DMD: variants seen among roughly 807,000 people sequenced by gnomAD.
DMD encodes dystrophin.
DMD carries 63 observed loss-of-function variants against 330.1 expected under a neutral mutation model. The ratio of observed to expected loss-of-function variants is 0.19; its 90% CI spans 0.16 to 0.24. The LOEUF (loss-of-function observed/expected upper bound fraction) is 0.24, where lower values mean the gene tolerates loss of function less well. DMD is among the 10% of genes least tolerant of loss of function. The pLI, the probability that DMD is intolerant of heterozygous loss-of-function variation, is 1.00. For missense variants in DMD, 3,344 were observed against 2,684.1 expected (o/e 1.25, Z -5.43); for synonymous variants, 1,223 against 959.8 (o/e 1.27, Z -5.07).
rs189477491 is a variant in DMD, at chrX:32,897,112, T to C, written c.94-47292A>G. 4.0e-3 allele frequency among the ~76,000 whole-genome samples: 445 copies of C among 111,651 alleles called. 3 individuals carry two copies. The highest frequency in any genetic ancestry group is 5.8e-3 in the Non-Finnish European group (310 of 53,180). ...TTTTATGCGTTTTTTTTATTTTGCC[T>C]ATTAAATATGCCCTTAAAATCGTGC... On this transcript the variant is annotated intron_variant, in intron 2 of 78. Transcript: ENST00000357033.
chrX:32,309,965 T>A, intron 42 of DMD, 117 bp downstream of exon 42: 6 of 645,220 alleles, frequency 9.3e-6, no homozygotes, highest in Non-Finnish European at 1.4e-5. Flanking sequence ...TTTTAAGAAT[T>A]CCATGTGAAA....
chrX:32,959,701 C>T (rs137856600), intron 2 of DMD, among the ~76,000 whole-genome samples: 1,129 of 110,785 alleles, frequency 0.01, 15 homozygotes, highest in African/African-American at 0.035. Context: ...CTGTCTTTCT[C>T]CCCCAGGATT....
intron 10 of DMD, among the ~76,000 whole-genome samples, 179 bp downstream of exon 10, chrX:32,644,785 T>C (rs751309304): frequency 1.9e-4 from 21 of 111,436 alleles, no homozygotes; most frequent in African/African-American, 6.2e-4. Context: ...CAGGTAGAAA[T>C]GCCTTCAATG....
intron 45 of DMD, among the ~76,000 whole-genome samples, chrX:31,935,183 C>T (rs185605003): frequency 3.6e-5 from 4 of 111,549 alleles, no homozygotes; most frequent in Admixed American, 9.5e-5. Context: ...GTGATTCTCT[C>T]GAAGTCTCTA....
intron 50 of DMD, among the ~76,000 whole-genome samples, chrX:31,798,733 G>A (rs909151422): frequency 1.8e-5 from 2 of 111,103 alleles, no homozygotes; most frequent in East Asian, 2.8e-4. Flanking sequence ...AAAGAGACAG[G>A]AAATATACAT....
chrX:31,763,685 C>CT (rs2089790856), intron 51 of DMD, among the ~76,000 whole-genome samples: 1 of 112,048 alleles, frequency 8.9e-6, no homozygotes, highest in African/African-American at 3.2e-5. Flanking sequence ...CTGTGACATA[C>CT]CAGTCAACTA....
At chrX:32,777,786 A>G (rs904493733) in intron 7 of DMD, among the ~76,000 whole-genome samples, 16 of 112,697 alleles carry the variant, frequency 1.4e-4, no homozygotes, top group East Asian at 2.8e-4. Context: ...GGAAAGAGCT[A>G]TCTTAAGGAT....
chrX:32,563,162 A>C (rs2149079859), intron 16 of DMD, among the ~76,000 whole-genome samples: 1 of 109,355 alleles, frequency 9.1e-6, no homozygotes, highest in Admixed American at 9.9e-5. Flanking sequence ...AACATGGTGA[A>C]ACCCCATCTC....
chrX:32,356,231 T>A (rs1029685353), intron 37 of DMD, among the ~76,000 whole-genome samples: 1 of 109,926 alleles, frequency 9.1e-6, no homozygotes, highest in African/African-American at 3.3e-5. Flanking sequence ...TATTTTAAGA[T>A]AGATTAGGCC....
At chrX:33,264,965 G>A (rs961732002) in intron 1 of DMD, among the ~76,000 whole-genome samples, 4 of 110,699 alleles carry the variant, frequency 3.6e-5, no homozygotes, top group Non-Finnish European at 7.6e-5. Context: ...GAGGTTTATG[G>A]TCACATAAGA....
At chrX:32,615,052 C>G (rs57110381) in intron 11 of DMD, among the ~76,000 whole-genome samples, 13,978 of 110,746 alleles carry the variant, frequency 0.13, 747 homozygotes, top group African/African-American at 0.19. Flanking sequence ...AGTGATTCTG[C>G]AGGATAAAAT....
At chrX:32,243,272 T>C (rs1363685521) in intron 43 of DMD, among the ~76,000 whole-genome samples, 1 of 111,403 alleles carries the variant, frequency 9.0e-6, no homozygotes, top group African/African-American at 3.3e-5. Flanking sequence ...AGGATTAGCT[T>C]GGGTACATAC....
chrX:32,703,775 T>C (rs994385689), intron 7 of DMD, among the ~76,000 whole-genome samples: 1 of 111,288 alleles, frequency 9.0e-6, no homozygotes, highest in African/African-American at 3.3e-5. Context: ...CTAAAGGCAA[T>C]GGTATGATAA....
intron 60 of DMD, among the ~76,000 whole-genome samples, chrX:31,426,027 T>C (rs1952185192): frequency 9.0e-6 from 1 of 111,504 alleles, no homozygotes; most frequent in South Asian, 3.8e-4. Flanking sequence ...ACCTACTGCA[T>C]CAGAAACGCT....
intron 55 of DMD, among the ~76,000 whole-genome samples, chrX:31,562,812 T>C (rs4829226): frequency 0.027 from 3,011 of 111,822 alleles, 116 homozygotes; most frequent in Admixed American, 0.15. Flanking sequence ...TTTTTCCTTA[T>C]AGCTTTTGAG....
At chrX:32,680,242 A>G (rs995611883) in intron 9 of DMD, among the ~76,000 whole-genome samples, 7 of 111,152 alleles carry the variant, frequency 6.3e-5, no homozygotes, top group East Asian at 5.6e-4. Flanking sequence ...AAACTAAGCT[A>G]TCATATTGAT....
intron 4 of DMD, among the ~76,000 whole-genome samples, chrX:32,831,266 T>G (rs2148896845): frequency 9.0e-6 from 1 of 110,829 alleles, no homozygotes; most frequent in East Asian, 2.8e-4. Context: ...GTCAATATTT[T>G]ATTCAAGCTA....
intron 44 of DMD, among the ~76,000 whole-genome samples, chrX:31,987,427 C>T (rs2095517452): frequency 9.0e-6 from 1 of 111,688 alleles, no homozygotes; most frequent in African/African-American, 3.3e-5. Flanking sequence ...TACCCATTGA[C>T]AATCCTCTCC....
intron 13 of DMD, among the ~76,000 whole-genome samples, chrX:32,594,334 C>A (rs1005637478): frequency 2.7e-5 from 3 of 111,033 alleles, no homozygotes; most frequent in African/African-American, 6.6e-5. Flanking sequence ...AATTTTAGTG[C>A]AATGGATGAA....
Sources: gnomAD v4.1 joint callset for allele counts (sites outside exome capture counted in the v4.1 genomes callset) on GRCh38, gnomAD v4.1.1 for gene constraint, MANE v1.5 for transcripts, NCBI Gene and HGNC (gene_info 2026-07-23, HGNC 2026-07-21) for gene names.